Variants in SRBD1 observed in about 807,000 individuals in gnomAD.
SRBD1 encodes S1 RNA binding domain 1, also known as S1 RNA-binding domain-containing protein 1.
A neutral mutation model predicts 115.3 loss-of-function variants in SRBD1; 88 were observed. The observed-to-expected ratio is 0.76, with a 90% CI of 0.64 to 0.91. SRBD1 has a LOEUF of 0.91. Ranked by LOEUF, SRBD1 falls within the 40% of genes least tolerant of loss-of-function variation. The pLI is 0.00. For missense variants in SRBD1, 1,385 were observed against 1,177.4 expected (o/e 1.18, Z -2.58); for synonymous variants, 509 against 407.7 (o/e 1.25, Z -2.99).
intron 12 of SRBD1, among the ~76,000 whole-genome samples, chr2:45,549,608 T>C (rs974711094): frequency 6.8e-6 from 1 of 146,844 alleles, no homozygotes; most frequent in Non-Finnish European, 1.5e-5. Context: ...CCCAGCACTT[T>C]GGAAGGCCAA....
rs376830148 is a variant in SRBD1, at chr2:45,544,920, T to C, written c.1874+1812A>G. Among the ~76,000 whole-genome samples, 45 of 152,268 alleles carry C rather than the reference T, an allele frequency of 3.0e-4. 1 individual carries two copies. In the South Asian group the frequency reaches 8.9e-3, roughly 30 times the overall value. ...GGTATTCTTTTCCCCATTTTAAAAA[T>C]GAAGGAAAGTGAAGCTAAGAAAGGC... On this transcript the variant is annotated intron_variant, in intron 14 of 20. Transcript: ENST00000263736.
intron 15 of SRBD1, among the ~76,000 whole-genome samples, chr2:45,482,428 T>C (rs558210282): frequency 1.3e-5 from 2 of 152,226 alleles, no homozygotes; most frequent in South Asian, 4.1e-4. Flanking sequence ...TTCTACCATA[T>C]GCTATCGAAC....
intron 12 of SRBD1, among the ~76,000 whole-genome samples, chr2:45,550,782 G>C (rs1273974619): frequency 6.6e-6 from 1 of 152,026 alleles, no homozygotes; most frequent in Admixed American, 6.6e-5. Context: ...ATGTCTTTTG[G>C]TATTTAAAAT....
In SRBD1 at chr2:45,593,831, A is replaced by G. The variant is rs190463280; in HGVS notation, c.648+5618T>C. On this transcript the variant is annotated intron_variant, in intron 4 of 20. Transcript: ENST00000263736. ...CACACAAGTTTCCTTACAGATTGCA[A>G]AAGGAAAAACCAGTGCTGTTAGAAA... Among the ~76,000 whole-genome samples, 354 of 152,310 alleles carry G rather than the reference A, an allele frequency of 2.3e-3. 1 individual carries two copies. The highest frequency in any genetic ancestry group is 7.9e-3 in the African/African-American group (327 of 41,572).
At chr2:45,420,018 A>T in intron 16 of SRBD1, 124 bp from the exon 17 acceptor site, 1 of 824,878 alleles carries the variant, frequency 1.2e-6, no homozygotes, top group Non-Finnish European at 2.0e-6. Flanking sequence ...CATTCCTCTT[A>T]GACACACTGT....
intron 14 of SRBD1, among the ~76,000 whole-genome samples, chr2:45,539,689 G>C (rs560170189): frequency 1.3e-5 from 2 of 152,254 alleles, no homozygotes; most frequent in South Asian, 4.1e-4. Flanking sequence ...TAATTTAAGT[G>C]ATCCCAAACT....
Position 45,599,715 on chromosome 2 carries a change from G to C in SRBD1, c.382C>G (p.Arg128Gly), listed in dbSNP as rs139186238. ...QKCAAQPHTV[R>G]RTKKLKVEEE... ...TCAACTTTCAGCTTTTTAGTCCTTC[G>C]AACTGTATGTGGCTGCGCTGCACAT... is the stretch of plus-strand genomic sequence containing the variant. Residue 128 changes from arginine to glycine, a missense_variant, in exon 4 of 21, where the codon CGA (arginine) becomes GGA (glycine). Transcript: ENST00000263736. The C allele has an allele frequency of 6.2e-7, 1 of 1,614,082 alleles. No individual in the cohort carries two copies. The highest frequency in any genetic ancestry group is 8.5e-7 in the Non-Finnish European group (1 of 1,180,026).
intron 15 of SRBD1, among the ~76,000 whole-genome samples, chr2:45,479,015 T>C (rs1003428046): frequency 1.3e-5 from 2 of 152,196 alleles, no homozygotes; most frequent in Admixed American, 6.5e-5. Flanking sequence ...TTTAATTATA[T>C]TTGTTATGAT....
At chr2:45,451,477 G>C (rs1668991163) in intron 16 of SRBD1, among the ~76,000 whole-genome samples, 1 of 151,844 alleles carries the variant, frequency 6.6e-6, no homozygotes, top group South Asian at 2.1e-4. Context: ...CAGAGTACTA[G>C]GTATGACATA....
chr2:45,416,919 C>G (rs1667849431), intron 18 of SRBD1, among the ~76,000 whole-genome samples: 1 of 152,122 alleles, frequency 6.6e-6, no homozygotes, highest in Non-Finnish European at 1.5e-5. Flanking sequence ...GCTGGGATTA[C>G]AGGTGAGCAC....
intron 19 of SRBD1, among the ~76,000 whole-genome samples, chr2:45,394,287 A>T (rs1387302697): frequency 6.6e-6 from 1 of 152,248 alleles, no homozygotes. Flanking sequence ...AAAAGAATTG[A>T]AGGGTTAAGA....
At chr2:45,579,774 T>G in intron 7 of SRBD1, 101 bp downstream of exon 7, 3 of 1,298,442 alleles carry the variant, frequency 2.3e-6, no homozygotes, top group Non-Finnish European at 3.0e-6. Flanking sequence ...TAATATTCTT[T>G]TGTATAATCA....
chr2:45,416,063 G>T (rs1667823509), intron 18 of SRBD1, among the ~76,000 whole-genome samples: 1 of 152,022 alleles, frequency 6.6e-6, no homozygotes, highest in Non-Finnish European at 1.5e-5. Flanking sequence ...CTTATTAACT[G>T]ATAAATCTAA....
At chr2:45,491,725 T>A (rs1219129865) in intron 14 of SRBD1, among the ~76,000 whole-genome samples, 2 of 152,222 alleles carry the variant, frequency 1.3e-5, no homozygotes, top group Admixed American at 1.3e-4. Context: ...ACCACACACT[T>A]ATAAAGTAAA....
At chr2:45,402,760 C>A (rs1210891553) in intron 19 of SRBD1, among the ~76,000 whole-genome samples, 2 of 152,118 alleles carry the variant, frequency 1.3e-5, no homozygotes, top group Non-Finnish European at 2.9e-5. Context: ...CTTAATACAG[C>A]AGATTCTCTG....
chr2:45,553,804 G>A (rs1424740189), intron 10 of SRBD1, 74 bp from the exon 11 acceptor site: 5 of 923,440 alleles, frequency 5.4e-6, no homozygotes, highest in Admixed American at 2.8e-5. Context: ...CCAAAAAGAA[G>A]GGAGATGGAA....
intron 20 of SRBD1, among the ~76,000 whole-genome samples, chr2:45,392,528 C>A (rs1373579158): frequency 2.0e-5 from 3 of 152,152 alleles, no homozygotes; most frequent in African/African-American, 7.2e-5. Flanking sequence ...GGTTCATTGA[C>A]ACAGAATCCA....
rs1369925951 is a variant in SRBD1 at position 45,502,247 on chromosome 2, AC to A, written c.1875-13917del. Among the ~76,000 whole-genome samples, 4 of 152,344 alleles carry A rather than the reference AC, an allele frequency of 2.6e-5. No individual in the cohort carries two copies. In the East Asian group the frequency reaches 7.7e-4, roughly 29 times the overall value. ...AAGGGTCCTGACTGTTAAAAGGAAA[AC>A]TAACAAAAAGACAGTGTGGTGATTC... On this transcript the variant is annotated intron_variant, in intron 14 of 20. Transcript: ENST00000263736.
chr2:45,433,000 T>C (rs1456308498), intron 16 of SRBD1, among the ~76,000 whole-genome samples: 1 of 152,204 alleles, frequency 6.6e-6, no homozygotes, highest in African/African-American at 2.4e-5. Context: ...GATGAAACAC[T>C]GTGGACTACA....
Sources: allele counts gnomAD v4.1 joint callset (sites outside exome capture counted in the v4.1 genomes callset), GRCh38; gene constraint gnomAD v4.1.1; transcripts MANE v1.5; gene names NCBI Gene and HGNC (gene_info 2026-07-23, HGNC 2026-07-21).